Variants in OXR1 observed in about 807,000 individuals in gnomAD.
The protein encoded by OXR1 is oxidation resistance protein 1.
In OXR1, 41 loss-of-function variants were observed where a neutral mutation model predicts 104.6. The observed-to-expected ratio is 0.39, with a 90% confidence interval of 0.31 to 0.51. The LOEUF (loss-of-function observed/expected upper bound fraction) is 0.51. OXR1 is among the 20% of genes least tolerant of loss of function. The pLI is 0.77. For synonymous variants in OXR1, 348 were observed against 348.4 expected, an observed-to-expected ratio of 1.00 and a Z score of 0.01; for missense variants, 955 against 1,031.9, an observed-to-expected ratio of 0.93 and a Z score of 1.02.
intron 3 of OXR1, among the ~76,000 whole-genome samples, chr8:106,662,694 A>G (rs1204292711): frequency 1.3e-5 from 2 of 152,212 alleles, no homozygotes; most frequent in African/African-American, 2.4e-5. Flanking sequence ...GACATTGGAC[A>G]AAGAATTTAT....
intron 3 of OXR1, among the ~76,000 whole-genome samples, chr8:106,640,192 T>A (rs1403286357): frequency 6.6e-6 from 1 of 151,988 alleles, no homozygotes; most frequent in African/African-American, 2.4e-5. Flanking sequence ...AATATCAAAT[T>A]TGTGGGGAAT....
chr8:106,458,194 C>T (rs1820709742), intron 2 of OXR1, among the ~76,000 whole-genome samples: 1 of 152,074 alleles, frequency 6.6e-6, no homozygotes, highest in South Asian at 2.1e-4. Context: ...ATTTTTGAGG[C>T]AAGCTAGGAA....
chr8:106,361,168 T>C (rs181050135), intron 2 of OXR1, among the ~76,000 whole-genome samples: 42 of 152,334 alleles, frequency 2.8e-4, no homozygotes, highest in African/African-American at 9.9e-4. Context: ...TTAGTAGATA[T>C]TCTGTAAGTG....
chr8:106,305,971 A>C (rs1229994475), intron 1 of OXR1, among the ~76,000 whole-genome samples: 5 of 152,112 alleles, frequency 3.3e-5, no homozygotes, highest in African/African-American at 9.6e-5. Flanking sequence ...TTAGATTTTT[A>C]GAAAGCAACA....
chr8:106,704,306 C>T (rs868015016), intron 8 of OXR1, among the ~76,000 whole-genome samples: 2 of 138,308 alleles, frequency 1.4e-5, no homozygotes, highest in South Asian at 4.7e-4. Flanking sequence ...AGGATATATA[C>T]ATATATGGAG....
chr8:106,393,981 AT>A (rs1454535747), intron 2 of OXR1, among the ~76,000 whole-genome samples: 6 of 152,100 alleles, frequency 3.9e-5, no homozygotes. Flanking sequence ...TTTAACATAC[AT>A]TTTAAGATAA....
chr8:106,544,497 A>G (rs1034556744), intron 3 of OXR1, among the ~76,000 whole-genome samples: 2 of 152,166 alleles, frequency 1.3e-5, no homozygotes, highest in African/African-American at 4.8e-5. Context: ...TTTGTTGTCT[A>G]TTGGAAAGCG....
In OXR1 at chr8:106,683,375, A is replaced by C. The variant is rs1828371864; in HGVS notation, c.411+69A>C. 4.2e-6 allele frequency: 3 copies of C among 711,250 alleles called. No individual in the cohort carries two copies. The Admixed American group carries it at 6.5e-5, about 16-fold the overall frequency. The allele number at this position is 711,250 out of a possible 1,614,324, so 44.1% of individuals were successfully genotyped here. A position where few individuals can be genotyped will look rare whatever the true frequency, so the allele number is the denominator to read the frequency against. On this transcript the variant is annotated intron_variant, in intron 5 of 16. Coordinates refer to ENST00000517566, the MANE Select transcript of OXR1 (RefSeq NM_001198533.2). Reference sequence around the variant, plus strand: ...CAGAAAGGCAGAAAGTATTTATTGTACTGTAGTTAATAATATAGAAAATTT... The same window carrying C: ...CAGAAAGGCAGAAAGTATTTATTGTCCTGTAGTTAATAATATAGAAAATTT...
chr8:106,687,335 G>T (rs1828833899), intron 6 of OXR1, among the ~76,000 whole-genome samples: 1 of 152,092 alleles, frequency 6.6e-6, no homozygotes, highest in Non-Finnish European at 1.5e-5. Flanking sequence ...TACCTCTTTA[G>T]GGATAGAGGA....
chr8:106,435,042 G>A (rs1586640030), intron 2 of OXR1, among the ~76,000 whole-genome samples: 1 of 152,134 alleles, frequency 6.6e-6, no homozygotes, highest in East Asian at 1.9e-4. Context: ...TGGTGGCCAG[G>A]TGTCACCTCT....
At chr8:106,604,403 G>T (rs1422021684) in intron 3 of OXR1, among the ~76,000 whole-genome samples, 3 of 152,046 alleles carry the variant, frequency 2.0e-5, no homozygotes, top group Admixed American at 1.3e-4. Context: ...TAATCCACCC[G>T]CCTCGGCCTC....
At chr8:106,694,458 G>T (rs540456481) in intron 7 of OXR1, among the ~76,000 whole-genome samples, 58 of 118,090 alleles carry the variant, frequency 4.9e-4, no homozygotes, top group East Asian at 3.2e-3. Context: ...ATATATATTT[G>T]ATATATAAAT....
In OXR1 at chr8:106,337,072, A is replaced by G. The variant is rs187360751; in HGVS notation, c.-138-22404A>G. On this transcript the variant is annotated intron_variant, in intron 1 of 16. Coordinates refer to ENST00000517566, the MANE Select transcript of OXR1 (RefSeq NM_001198533.2). ...AAATATCCGTGAATTATAAAGCATG[A>G]CTTAAAATATTTAATTTGTAATTAG... 4.8e-3 allele frequency among the ~76,000 whole-genome samples: 726 copies of G among 152,350 alleles called. 3 individuals carry two copies. The highest frequency in any genetic ancestry group is 8.0e-3 in the Non-Finnish European group (546 of 68,032).
chr8:106,407,148 T>C (rs1294875979), intron 2 of OXR1, among the ~76,000 whole-genome samples: 1 of 152,148 alleles, frequency 6.6e-6, no homozygotes, highest in Non-Finnish European at 1.5e-5. Flanking sequence ...TGTGGAAACA[T>C]TTCAGAATTG....
At chr8:106,736,094 T>C (rs939464721) in intron 11 of OXR1, among the ~76,000 whole-genome samples, 4 of 152,148 alleles carry the variant, frequency 2.6e-5, no homozygotes, top group African/African-American at 7.2e-5. Context: ...CCAGATTTGA[T>C]ATGCACTTTT....
At chr8:106,473,674 C>T (rs1013844169) in intron 2 of OXR1, among the ~76,000 whole-genome samples, 2 of 151,576 alleles carry the variant, frequency 1.3e-5, no homozygotes, top group African/African-American at 2.4e-5. Context: ...AGTAGTTAAC[C>T]GTGAATAATT....
chr8:106,529,241 A>G (rs941627596), intron 3 of OXR1, among the ~76,000 whole-genome samples: 3 of 152,160 alleles, frequency 2.0e-5, no homozygotes, highest in Non-Finnish European at 4.4e-5. Context: ...GGGATTCAAT[A>G]TATGTTTCTG....
At chr8:106,309,786 T>C (rs755014635) in intron 1 of OXR1, among the ~76,000 whole-genome samples, 36 of 150,712 alleles carry the variant, frequency 2.4e-4, no homozygotes, top group Non-Finnish European at 4.7e-4. Flanking sequence ...TACACATATA[T>C]AAATATATAA....
At chr8:106,428,063 G>C (rs1272873998) in intron 2 of OXR1, among the ~76,000 whole-genome samples, 1 of 151,910 alleles carries the variant, frequency 6.6e-6, no homozygotes, top group Non-Finnish European at 1.5e-5. Context: ...TGGGTGGCTG[G>C]TGGCTACCCT....
Sources: allele counts gnomAD v4.1 joint callset (sites outside exome capture counted in the v4.1 genomes callset), GRCh38; gene constraint gnomAD v4.1.1; transcripts MANE v1.5; gene names NCBI Gene and HGNC (gene_info 2026-07-23, HGNC 2026-07-21).